The following NDST4 variants were observed in gnomAD, a reference collection of about 807,000 sequenced individuals.
The protein encoded by NDST4 is N-heparan sulfate sulfotransferase 4.
NDST4 carries 63 observed loss-of-function variants against 100.8 expected under a neutral mutation model. That is an observed-to-expected ratio of 0.62 (90% CI 0.51 to 0.77). The LOEUF (loss-of-function observed/expected upper bound fraction) is 0.77, where lower values mean the gene tolerates loss of function less well. NDST4 is among the 30% of genes least tolerant of loss of function. The pLI is 0.00. For synonymous variants in NDST4, 377 were observed against 361.8 expected (o/e 1.04, Z -0.48); for missense variants, 943 against 1,018.4 (o/e 0.93, Z 1.01).
In NDST4 at chr4:115,093,315, A is replaced by T. The variant is rs562268267; in HGVS notation, c.-246-16033T>A. ...ACGGTGAAACCCCATCTCTACTAAA[A>T]ATACAAAAAGTTAGCTGGGCGTGGT... On this transcript the variant is annotated intron_variant, in intron 1 of 13. Coordinates refer to ENST00000264363, the MANE Select transcript of NDST4 (RefSeq NM_022569.3). Among the ~76,000 whole-genome samples the T allele has an allele frequency of 1.6e-4, 25 of 151,972 alleles. No homozygotes were observed. The South Asian group carries it at 1.7e-3, about 10-fold the overall frequency.
chr4:114,955,367 A>C (rs140896386), intron 4 of NDST4, among the ~76,000 whole-genome samples: 1 of 152,288 alleles, frequency 6.6e-6, no homozygotes, highest in Non-Finnish European at 1.5e-5. Context: ...TCCAAGTACC[A>C]ATCATTAAAA....
chr4:114,984,867 G>A (rs1279936956), intron 2 of NDST4, among the ~76,000 whole-genome samples: 1 of 152,130 alleles, frequency 6.6e-6, no homozygotes, highest in Non-Finnish European at 1.5e-5. Flanking sequence ...GCTGACCCAG[G>A]ATGAAAATAT....
At chr4:114,880,886 G>C (rs1196773755) in intron 6 of NDST4, among the ~76,000 whole-genome samples, 4 of 152,112 alleles carry the variant, frequency 2.6e-5, no homozygotes, top group African/African-American at 9.6e-5. Context: ...TCTGAAGGAT[G>C]AGTAGAGAAT....
At chr4:114,916,994 T>C (rs1725188098) in intron 6 of NDST4, among the ~76,000 whole-genome samples, 1 of 152,158 alleles carries the variant, frequency 6.6e-6, no homozygotes, top group Non-Finnish European at 1.5e-5. Flanking sequence ...GAAAGGTATA[T>C]ATAGTTGTCC....
At chr4:114,932,823 T>C (rs2126224199) in intron 6 of NDST4, among the ~76,000 whole-genome samples, 1 of 152,112 alleles carries the variant, frequency 6.6e-6, no homozygotes, top group Middle Eastern at 3.4e-3. Context: ...ATGTAAGAAA[T>C]TGAAGACACT....
chr4:115,058,793 T>G (rs1322491223), intron 2 of NDST4, among the ~76,000 whole-genome samples: 1 of 152,056 alleles, frequency 6.6e-6, no homozygotes, highest in Non-Finnish European at 1.5e-5. Flanking sequence ...AGTGAAATTG[T>G]ACTCCACAGG....
intron 4 of NDST4, among the ~76,000 whole-genome samples, chr4:114,945,008 G>A (rs1380245917): frequency 2.6e-5 from 4 of 151,834 alleles, no homozygotes; most frequent in South Asian, 4.2e-4. Context: ...TCGGGAGTTC[G>A]AGACCAGCCT....
intron 11 of NDST4, among the ~76,000 whole-genome samples, chr4:114,838,483 C>T (rs1454681540): frequency 6.6e-6 from 1 of 152,128 alleles, no homozygotes; most frequent in Admixed American, 6.5e-5. Flanking sequence ...GAATACTATG[C>T]AGCTATAAAA....
At chr4:114,838,333 G>C (rs762004947) in intron 11 of NDST4, among the ~76,000 whole-genome samples, 1 of 152,154 alleles carries the variant, frequency 6.6e-6, no homozygotes, top group African/African-American at 2.4e-5. Context: ...ATACCCAAAA[G>C]ATTATAAATC....
chr4:115,092,918 T>A (rs1245033532), intron 1 of NDST4, among the ~76,000 whole-genome samples: 1 of 152,118 alleles, frequency 6.6e-6, no homozygotes, highest in South Asian at 2.1e-4. Context: ...ATTTGCAGAT[T>A]GACTGAAAAA....
At chr4:115,059,085 T>C (rs1290423789) in intron 2 of NDST4, among the ~76,000 whole-genome samples, 1 of 151,864 alleles carries the variant, frequency 6.6e-6, no homozygotes, top group Non-Finnish European at 1.5e-5. Context: ...AGAAAAGTAG[T>C]AGGACATTCC....
intron 6 of NDST4, among the ~76,000 whole-genome samples, chr4:114,895,375 G>A (rs1724692169): frequency 6.6e-6 from 1 of 152,108 alleles, no homozygotes; most frequent in Non-Finnish European, 1.5e-5. Flanking sequence ...AAATAAACTA[G>A]AAAATCTAGA....
chr4:115,084,254 A>T (rs1030110618), intron 1 of NDST4, among the ~76,000 whole-genome samples: 59 of 152,172 alleles, frequency 3.9e-4, no homozygotes, highest in African/African-American at 1.4e-3. Context: ...TGGAACTTTG[A>T]ACTTGAGAGA....
At chr4:115,080,952 T>C (rs1203117252) in intron 1 of NDST4, among the ~76,000 whole-genome samples, 1 of 152,042 alleles carries the variant, frequency 6.6e-6, no homozygotes, top group Non-Finnish European at 1.5e-5. Context: ...CGGAGAGAAA[T>C]TAAATGTAGG....
At chr4:114,930,681 A>G (rs547628023) in intron 6 of NDST4, among the ~76,000 whole-genome samples, 84 of 152,298 alleles carry the variant, frequency 5.5e-4, no homozygotes, top group African/African-American at 1.9e-3. Flanking sequence ...TGGGCATAGC[A>G]TAAGGCTCAC....
chr4:115,026,505 T>C (rs968441870), intron 2 of NDST4, among the ~76,000 whole-genome samples: 1 of 151,826 alleles, frequency 6.6e-6, no homozygotes, highest in Non-Finnish European at 1.5e-5. Context: ...ACACATGTAT[T>C]TATGTATGTG....
chr4:115,000,114 T>G (rs1046654770), intron 2 of NDST4, among the ~76,000 whole-genome samples: 1 of 151,718 alleles, frequency 6.6e-6, no homozygotes, highest in Admixed American at 6.6e-5. Flanking sequence ...TTTTGAAATG[T>G]TAACTTGCAT....
At chr4:115,084,233 C>T (rs1299781994) in intron 1 of NDST4, among the ~76,000 whole-genome samples, 3 of 152,104 alleles carry the variant, frequency 2.0e-5, no homozygotes, top group Non-Finnish European at 4.4e-5. Flanking sequence ...GGGCCCTGCC[C>T]TAGAGAGCTG....
rs773088832 is a variant in NDST4, at chr4:114,970,587, T to G, written c.1067-3A>C. 2 of 1,603,750 alleles carry G rather than the reference T, an allele frequency of 1.2e-6. No homozygotes were observed. Among genetic ancestry groups the G allele is most frequent in the Non-Finnish European group, 1.7e-6 (2 of 1,174,880 alleles). On this transcript the variant is annotated splice_region_variant and splice_polypyrimidine_tract_variant and intron_variant, in intron 3 of 13. Coordinates refer to ENST00000264363, the MANE Select transcript of NDST4 (RefSeq NM_022569.3). ...TCCTTCATCTTCCTCTTCAGTCCCT[T>G]TAAAACATAAAGTTAAAAATAACTT...
Sources: allele counts gnomAD v4.1 joint callset (sites outside exome capture counted in the v4.1 genomes callset), GRCh38; gene constraint gnomAD v4.1.1; transcripts MANE v1.5; gene names NCBI Gene and HGNC (gene_info 2026-07-23, HGNC 2026-07-21).